The following PCDHGB1 variants were observed in gnomAD, a reference collection of about 807,000 sequenced individuals.
PCDHGB1 encodes protocadherin gamma subfamily B, 1, also known as protocadherin gamma-B1.
PCDHGB1 carries 34 observed loss-of-function variants against 56.6 expected under a neutral mutation model. The ratio of observed to expected loss-of-function variants is 0.60; its 90% CI spans 0.46 to 0.80. The LOEUF is 0.80. Among genes scored for constraint, PCDHGB1 ranks in the 30% least tolerant of loss-of-function variants. PCDHGB1 has a pLI of 0.00. For synonymous variants in PCDHGB1, 561 were observed against 505.9 expected (o/e 1.11, Z -1.46); for missense variants, 1,278 against 1,204.6 (o/e 1.06, Z -0.90).
At chr5:141,419,023 A>T (rs768427376) in intron 1 of PCDHGB1, 2 of 1,613,958 alleles carry the variant, frequency 1.2e-6, no homozygotes, top group Non-Finnish European at 1.7e-6. Flanking sequence ...GCTTAAGTAG[A>T]GGTGTTCCAT....
At chr5:141,399,123 T>C (rs1221457638) in intron 1 of PCDHGB1, 12 of 1,613,828 alleles carry the variant, frequency 7.4e-6, no homozygotes, top group East Asian at 2.2e-5. Context: ...TTGAAATTAA[T>C]ATTCAAGATG....
At chr5:141,458,567 TTTTGTTTG>T (rs144471304) in intron 1 of PCDHGB1, among the ~76,000 whole-genome samples, 1 of 151,488 alleles carries the variant, frequency 6.6e-6, no homozygotes, top group Non-Finnish European at 1.5e-5. Flanking sequence ...GGTTTTGGGT[TTTTGTTTG>T]TTTGTTTGTT....
At chr5:141,404,289 A>T in intron 1 of PCDHGB1, 1 of 1,614,006 alleles carries the variant, frequency 6.2e-7, no homozygotes. Context: ...ACTGACATCA[A>T]TGATAATCCA....
At position 141,431,159 on chromosome 5, in the gene PCDHGB1, C is replaced by T. The variant is rs1017606383; in HGVS notation, c.2410-63648C>T. Reference sequence around the variant, plus strand: ...CATTAACGACAATGCGCCTTACTTTCGTGAAAGTGAATTAGAAATAAAAAT... The same window carrying T: ...CATTAACGACAATGCGCCTTACTTTTGTGAAAGTGAATTAGAAATAAAAAT... On this transcript the variant is annotated intron_variant, in intron 1 of 3. Transcript: ENST00000523390. The surrounding 1 kb of genome is among the most constrained non-coding windows in gnomAD (Gnocchi z 4.8). 1 of 1,614,158 alleles carries T rather than the reference C, an allele frequency of 6.2e-7. No individual in the cohort carries two copies. The highest frequency in any genetic ancestry group is 1.3e-5 in the African/African-American group (1 of 75,046).
At chr5:141,413,118 G>A (rs999214227) in intron 1 of PCDHGB1, 4 of 1,517,034 alleles carry the variant, frequency 2.6e-6, no homozygotes, top group Admixed American at 4.3e-5. Flanking sequence ...CAAAGGAACC[G>A]GTTGAAACAC....
At chr5:141,365,533 C>T (rs772815348) in intron 1 of PCDHGB1, 21 of 1,613,642 alleles carry the variant, frequency 1.3e-5, no homozygotes, top group Non-Finnish European at 1.8e-5. Flanking sequence ...TTGATAATTA[C>T]TATCACCTAT....
chr5:141,445,564 G>A (rs564704836), intron 1 of PCDHGB1, among the ~76,000 whole-genome samples: 20 of 152,306 alleles, frequency 1.3e-4, no homozygotes, highest in Admixed American at 1.2e-3. Context: ...CTAAGAGAAA[G>A]CTTATAGTAG....
chr5:141,489,428 G>C lies in PCDHGB1; in HGVS notation c.2410-5379G>C, dbSNP rs561792279. The C allele has an allele frequency of 1.2e-6, 2 of 1,613,994 alleles. No individual in the cohort carries two copies. Among genetic ancestry groups the C allele is most frequent in the Non-Finnish European group, 1.7e-6 (2 of 1,180,038 alleles). On this transcript the variant is annotated intron_variant, in intron 1 of 3. Coordinates refer to ENST00000523390, the MANE Select transcript of PCDHGB1 (RefSeq NM_018922.3). This position sits in a 1 kb window ranked among gnomAD's most constrained non-coding sequence, Gnocchi z 4.5. The stretch of plus-strand genomic sequence containing the variant: ...AAGATGACAGATCTGTTGAGCCGGC[G>C]GCTGCAATTGGGCTCTGAGGAGAAT...
chr5:141,366,754 T>G (rs752520997), intron 1 of PCDHGB1: 1 of 1,607,154 alleles, frequency 6.2e-7, no homozygotes. Context: ...GAGTTCAGGT[T>G]AGTTTTCTCT....
intron 2 of PCDHGB1, 119 bp from the exon 3 acceptor site, chr5:141,505,274 C>T: frequency 6.6e-7 from 1 of 1,524,344 alleles, no homozygotes; most frequent in East Asian, 2.3e-5. Flanking sequence ...CTGAGAGAAA[C>T]AGGTCTTGGG....
At chr5:141,501,333 A>ACC (rs1554187333) in intron 2 of PCDHGB1, among the ~76,000 whole-genome samples, 192 of 140,118 alleles carry the variant, frequency 1.4e-3, no homozygotes, top group Admixed American at 5.6e-3. Flanking sequence ...ACACACACAC[A>ACC]CCCCAAACTC....
Position 141,486,793 on chromosome 5 carries a change from G to C in PCDHGB1, c.2410-8014G>C. ...AGTTTGAGGTGCAGGCCCGGGATCG[G>C]GGCAACCCACCCCTTAGCAGCACTG... is the stretch of plus-strand genomic sequence containing the variant. On this transcript the variant is annotated intron_variant, in intron 1 of 3. Transcript: ENST00000523390. This position sits in a 1 kb window ranked among gnomAD's most constrained non-coding sequence, Gnocchi z 5.0. 6.2e-7 allele frequency: 1 copy of C among 1,614,244 alleles called. No homozygotes were observed. Among genetic ancestry groups the C allele is most frequent in the Non-Finnish European group, 8.5e-7 (1 of 1,180,050 alleles).
At position 141,477,100 on chromosome 5, in the gene PCDHGB1, C is replaced by A. The variant is rs970613825; in HGVS notation, c.2410-17707C>A. On this transcript the variant is annotated intron_variant, in intron 1 of 3. Transcript: ENST00000523390. This position sits in a 1 kb window ranked among gnomAD's most constrained non-coding sequence, Gnocchi z 4.9. ...TTTACATCCAGGCCAAAGACAAGGGCGCCAATCCCGAAGGAGCACATTGCA... is the reference window on the plus strand; with the variant it reads ...TTTACATCCAGGCCAAAGACAAGGGAGCCAATCCCGAAGGAGCACATTGCA... 1 of 1,614,216 alleles carries A rather than the reference C, an allele frequency of 6.2e-7. No homozygotes were observed. Among genetic ancestry groups the A allele is most frequent in the Non-Finnish European group, 8.5e-7 (1 of 1,180,040 alleles).
rs1047637676 is a variant in PCDHGB1, at chr5:141,449,606, A to G, written c.2410-45201A>G. The stretch of plus-strand genomic sequence containing the variant: ...TCTGTCTCAAAAAAAAAAAAAAAAA[A>G]AGTAAAAAAGTTTTTTAAAAAGATG... On this transcript the variant is annotated intron_variant, in intron 1 of 3. Transcript: ENST00000523390. 3.9e-3 allele frequency among the ~76,000 whole-genome samples: 591 copies of G among 150,802 alleles called. 2 individuals carry two copies. The highest frequency in any genetic ancestry group is 0.01 in the Middle Eastern group (3 of 290).
At chr5:141,409,734 G>A in intron 1 of PCDHGB1, 1 of 1,613,144 alleles carries the variant, frequency 6.2e-7, no homozygotes, top group East Asian at 2.2e-5. Flanking sequence ...AGCGCGCAGA[G>A]CGGGGTGGTG....
chr5:141,409,116 A>G (rs1236625059), intron 1 of PCDHGB1: 1 of 1,614,034 alleles, frequency 6.2e-7, no homozygotes. Flanking sequence ...AAGAATAACC[A>G]GTCATTTGAT....
Position 141,489,600 on chromosome 5 carries a change from G to A in PCDHGB1, c.2410-5207G>A, listed in dbSNP as rs1407225048. 8.1e-6 allele frequency: 13 copies of A among 1,614,034 alleles called. No homozygotes were observed. Among genetic ancestry groups the A allele is most frequent in the Non-Finnish European group, 1.1e-5 (13 of 1,179,962 alleles). ...ACCCCCTGGAGCTAATCCGTGTAGA[G>A]GTAGAGATCCTGGATCTCAATGACA... On this transcript the variant is annotated intron_variant, in intron 1 of 3. Transcript: ENST00000523390. This position sits in a 1 kb window ranked among gnomAD's most constrained non-coding sequence, Gnocchi z 4.5.
intron 1 of PCDHGB1, chr5:141,355,294 C>T (rs1458136342): frequency 6.2e-7 from 1 of 1,613,896 alleles, no homozygotes; most frequent in East Asian, 2.2e-5. Flanking sequence ...CGAACAGATT[C>T]TCTACTCGGT....
chr5:141,465,583 A>G (rs1056902823), intron 1 of PCDHGB1, among the ~76,000 whole-genome samples: 10 of 152,162 alleles, frequency 6.6e-5, no homozygotes, highest in African/African-American at 2.4e-4. Flanking sequence ...ACACTCTCAT[A>G]ATAATCAGAT....
Sources: allele counts gnomAD v4.1 joint callset (sites outside exome capture counted in the v4.1 genomes callset), GRCh38; gene constraint gnomAD v4.1.1; non-coding constraint Gnocchi (gnomAD v3.1); transcripts MANE v1.5; gene names NCBI Gene and HGNC (gene_info 2026-07-23, HGNC 2026-07-21).